The following GDPD5 variants were observed in gnomAD, a reference collection of about 807,000 sequenced individuals.
GDPD5 encodes glycerophosphodiester phosphodiesterase 2.
In GDPD5, 48 loss-of-function variants were observed where a neutral mutation model predicts 75.1. The ratio of observed to expected loss-of-function variants is 0.64; its 90% CI spans 0.51 to 0.81. GDPD5 has a LOEUF of 0.81. Among genes scored for constraint, GDPD5 ranks in the 40% least tolerant of loss-of-function variants. The pLI, the probability that GDPD5 is intolerant of heterozygous loss-of-function variation, is 0.00. For synonymous variants in GDPD5, 336 were observed against 339.0 expected, an observed-to-expected ratio of 0.99 and a Z score of 0.10; for missense variants, 706 against 822.6, an observed-to-expected ratio of 0.86 and a Z score of 1.73.
At chr11:75,512,610 T>C (rs1003821047) in intron 1 of GDPD5, among the ~76,000 whole-genome samples, 2 of 152,078 alleles carry the variant, frequency 1.3e-5, no homozygotes, top group Non-Finnish European at 2.9e-5. Flanking sequence ...TTTAATGGGA[T>C]AGAGAGCAGA....
chr11:75,442,990 A>G, intron 11 of GDPD5, 146 bp downstream of exon 11: 1 of 864,206 alleles, frequency 1.2e-6, no homozygotes, highest in Non-Finnish European at 1.9e-6. Context: ...GCAGGAGCCT[A>G]GGAGGCCACT....
chr11:75,480,730 C>T (rs896315435), intron 2 of GDPD5, among the ~76,000 whole-genome samples: 1 of 152,154 alleles, frequency 6.6e-6, no homozygotes, highest in African/African-American at 2.4e-5. Flanking sequence ...AACCCATGGG[C>T]CTGCCAAATC....
intron 1 of GDPD5, among the ~76,000 whole-genome samples, chr11:75,513,055 G>A (rs1036660327): frequency 9.8e-5 from 15 of 152,328 alleles, no homozygotes; most frequent in Admixed American, 9.8e-4. Flanking sequence ...GCCACGTCTA[G>A]ACAGCATCAC....
intron 16 of GDPD5, among the ~76,000 whole-genome samples, 196 bp from the exon 17 acceptor site, chr11:75,435,851 T>G (rs1444741629): frequency 6.6e-6 from 1 of 152,190 alleles, no homozygotes; most frequent in African/African-American, 2.4e-5. Context: ...CGCCTTCATC[T>G]GCTGTCCCCT....
intron 10 of GDPD5, among the ~76,000 whole-genome samples, chr11:75,444,165 A>G (rs1052715071): frequency 6.6e-6 from 1 of 152,114 alleles, no homozygotes; most frequent in African/African-American, 2.4e-5. Context: ...TTGTAGCTCT[A>G]TCATCTATTT....
At chr11:75,466,584 A>G (rs1949521649) in intron 3 of GDPD5, among the ~76,000 whole-genome samples, 1 of 152,090 alleles carries the variant, frequency 6.6e-6, no homozygotes, top group South Asian at 2.1e-4. Flanking sequence ...TTCATCTCTC[A>G]CAGTCTGCAT....
At chr11:75,519,344 C>T (rs548519096) in intron 1 of GDPD5, among the ~76,000 whole-genome samples, 1 of 152,324 alleles carries the variant, frequency 6.6e-6, no homozygotes, top group Non-Finnish European at 1.5e-5. Context: ...GCCGGGCAAC[C>T]CCAGGCCCCT....
At chr11:75,486,833 G>T (rs1475540461) in intron 2 of GDPD5, among the ~76,000 whole-genome samples, 1 of 152,204 alleles carries the variant, frequency 6.6e-6, no homozygotes, top group African/African-American at 2.4e-5. Flanking sequence ...GCAGAATTCA[G>T]AAATGAGAAA....
At chr11:75,519,983 C>T (rs781554679) in intron 1 of GDPD5, among the ~76,000 whole-genome samples, 3 of 152,220 alleles carry the variant, frequency 2.0e-5, no homozygotes, top group African/African-American at 4.8e-5. Context: ...ATTTCTTCTG[C>T]GTAGGCCTGA....
rs746407336 is a variant in GDPD5, at chr11:75,439,861, T to C, written c.1556+18A>G. 7 of 1,605,222 alleles carry C rather than the reference T, an allele frequency of 4.4e-6. No individual in the cohort carries two copies. Among genetic ancestry groups the C allele is most frequent in the African/African-American group, 2.7e-5 (2 of 74,730 alleles). On this transcript the variant is annotated intron_variant, in intron 15 of 16. Coordinates refer to ENST00000336898, the MANE Select transcript of GDPD5 (RefSeq NM_030792.8). ...TGCAGGGTAGGGACAGCCACGGAAGTGGTCAGATCCTACTCACTTCTGGAG... is the reference window on the plus strand; with the variant it reads ...TGCAGGGTAGGGACAGCCACGGAAGCGGTCAGATCCTACTCACTTCTGGAG...
chr11:75,461,477 G>A (rs754234245), intron 4 of GDPD5, among the ~76,000 whole-genome samples: 1 of 152,170 alleles, frequency 6.6e-6, no homozygotes, highest in Non-Finnish European at 1.5e-5. Context: ...GGGGAAAAGT[G>A]GACACCCAGC....
At chr11:75,458,739 G>A (rs575622467) in intron 4 of GDPD5, among the ~76,000 whole-genome samples, 6 of 151,970 alleles carry the variant, frequency 3.9e-5, no homozygotes, top group African/African-American at 1.4e-4. Context: ...GGTCTCATGA[G>A]GATGAAGTGA....
At position 75,449,569 on chromosome 11, in the gene GDPD5, G is replaced by T; in HGVS notation, c.516C>A (p.Val172=). 1 of 1,589,694 alleles carries T rather than the reference G, an allele frequency of 6.3e-7. No homozygotes were observed. The highest frequency in any genetic ancestry group is 8.6e-7 in the Non-Finnish European group (1 of 1,168,516). Residue 172 remains valine, a synonymous_variant, in exon 8 of 17, where the codon GTC becomes GTA. Coordinates refer to ENST00000336898, the MANE Select transcript of GDPD5 (RefSeq NM_030792.8). ...CTGCCACGATCCAGGAGAGCATGGT[G>T]ACTGCTGCCACAGCCCCCACATGCA... ...PFLHVGAVAA[V]TMLSWIVAGQ... is the part of the protein sequence containing the mutation.
intron 3 of GDPD5, among the ~76,000 whole-genome samples, chr11:75,463,125 C>G (rs73494872): frequency 0.072 from 11,014 of 152,288 alleles, 459 homozygotes; most frequent in East Asian, 0.13. Context: ...GGCCTCCCCC[C>G]CTGGGGCTGT....
Position 75,493,229 on chromosome 11 carries a change from T to TCACACACACACACA in GDPD5, c.-144-2923_-144-2910dup, listed in dbSNP as rs71036055. 2.0e-3 allele frequency among the ~76,000 whole-genome samples: 278 copies of TCACACACACACACA among 140,992 alleles called. 1 individual carries two copies. The highest frequency in any genetic ancestry group is 6.2e-3 in the African/African-American group (234 of 37,494). The allele number at this position is 140,992 out of a possible 152,430, so 92.5% of individuals were successfully genotyped here. A position where few individuals can be genotyped will look rare whatever the true frequency, so the allele number is the denominator to read the frequency against. On this transcript the variant is annotated intron_variant, in intron 1 of 16. Transcript: ENST00000336898. ...CAGGGAAAAGGGGCCCCCACACATC[T>TCACACACACACACA]CACACACACACACACACACACACAC...
chr11:75,517,276 G>A (rs945430831), intron 1 of GDPD5: 14 of 152,100 alleles, frequency 9.2e-5, no homozygotes, highest in Non-Finnish European at 2.9e-5. Context: ...CCAACATAGC[G>A]AAACTCCATC....
intron 6 of GDPD5, among the ~76,000 whole-genome samples, chr11:75,450,189 G>C (rs2065134985): frequency 6.6e-6 from 1 of 152,170 alleles, no homozygotes; most frequent in Admixed American, 6.5e-5. Flanking sequence ...TGAGGCAGGA[G>C]GAGGCAGCAG....
chr11:75,520,228 T>C (rs1950728719), intron 1 of GDPD5, among the ~76,000 whole-genome samples: 1 of 152,240 alleles, frequency 6.6e-6, no homozygotes. Flanking sequence ...CTTACTGAGT[T>C]GCTCGTTCAC....
At chr11:75,513,265 T>C (rs1407641435) in intron 1 of GDPD5, among the ~76,000 whole-genome samples, 2 of 152,196 alleles carry the variant, frequency 1.3e-5, no homozygotes, top group Non-Finnish European at 2.9e-5. Context: ...AACTATTACA[T>C]GGCACCAGAC....
Sources: gnomAD v4.1 joint callset for allele counts (sites outside exome capture counted in the v4.1 genomes callset) on GRCh38, gnomAD v4.1.1 for gene constraint, MANE v1.5 for transcripts, NCBI Gene and HGNC (gene_info 2026-07-23, HGNC 2026-07-21) for gene names.